Variants in SNX29 observed in about 807,000 individuals in gnomAD.
SNX29 encodes sorting nexin 29, also known as sorting nexin-29.
A neutral mutation model predicts 102.1 loss-of-function variants in SNX29; 78 were observed. The observed-to-expected ratio is 0.76, with a 90% confidence interval of 0.64 to 0.92. The LOEUF (loss-of-function observed/expected upper bound fraction) is 0.92. Ranked by LOEUF, SNX29 falls within the 40% of genes least tolerant of loss-of-function variation. The pLI is 0.00. For missense variants in SNX29, 1,280 were observed against 1,061.7 expected, an observed-to-expected ratio of 1.21 and a Z score of -2.86; for synonymous variants, 580 against 414.5, an observed-to-expected ratio of 1.40 and a Z score of -4.85.
chr16:12,307,335 C>A (rs924062639), intron 15 of SNX29, among the ~76,000 whole-genome samples: 1 of 151,978 alleles, frequency 6.6e-6, no homozygotes, highest in Non-Finnish European at 1.5e-5. Flanking sequence ...ATGGTGAGTG[C>A]GGTTGTTAAG....
intron 19 of SNX29, among the ~76,000 whole-genome samples, chr16:12,517,198 C>G (rs1017090481): frequency 2.0e-5 from 3 of 152,164 alleles, no homozygotes; most frequent in African/African-American, 7.2e-5. Context: ...CTGGCAGGTT[C>G]CATACGCTGG....
intron 20 of SNX29, among the ~76,000 whole-genome samples, chr16:12,565,110 G>A (rs1471356426): frequency 2.7e-5 from 4 of 150,000 alleles, no homozygotes; most frequent in Non-Finnish European, 3.0e-5. Context: ...CTGAGTACTG[G>A]CCCTAGTCTC....
chr16:12,175,970 C>A (rs752748918), intron 13 of SNX29, among the ~76,000 whole-genome samples: 1 of 152,000 alleles, frequency 6.6e-6, no homozygotes, highest in East Asian at 1.9e-4. Flanking sequence ...TGTGTCATTG[C>A]GGTCCAGCCT....
intron 11 of SNX29, among the ~76,000 whole-genome samples, chr16:12,094,320 T>C (rs1223309176): frequency 6.6e-6 from 1 of 152,162 alleles, no homozygotes; most frequent in African/African-American, 2.4e-5. Context: ...TCTTAAAGAC[T>C]GAATAACTGG....
At chr16:12,382,086 A>G (rs1597168317) in intron 16 of SNX29, among the ~76,000 whole-genome samples, 2 of 152,058 alleles carry the variant, frequency 1.3e-5, no homozygotes, top group Non-Finnish European at 2.9e-5. Flanking sequence ...CTGCCAATGA[A>G]TAACACCCGG....
chr16:12,336,900 G>A (rs377107907), intron 15 of SNX29, among the ~76,000 whole-genome samples: 20 of 152,288 alleles, frequency 1.3e-4, no homozygotes, highest in African/African-American at 4.8e-4. Flanking sequence ...GAGCTATGAT[G>A]GTGCCACCAT....
chr16:12,310,074 AT>A (rs2080480981), intron 15 of SNX29, among the ~76,000 whole-genome samples: 1 of 151,552 alleles, frequency 6.6e-6, no homozygotes, highest in Admixed American at 6.6e-5. Context: ...ACGCACATAC[AT>A]ACACATGTGC....
chr16:12,279,860 A>G (rs1034041513), intron 15 of SNX29, among the ~76,000 whole-genome samples: 1 of 152,234 alleles, frequency 6.6e-6, no homozygotes, highest in African/African-American at 2.4e-5. Flanking sequence ...ATGAAAGTGC[A>G]GGATGAAAGG....
At chr16:12,274,217 G>A (rs2150999335) in intron 14 of SNX29, among the ~76,000 whole-genome samples, 1 of 152,340 alleles carries the variant, frequency 6.6e-6, no homozygotes, top group East Asian at 1.9e-4. Context: ...TCTTCAGAAT[G>A]TTGAAGAGGT....
intron 11 of SNX29, among the ~76,000 whole-genome samples, chr16:12,112,860 G>A (rs183009): frequency 2.6e-5 from 4 of 152,048 alleles, no homozygotes; most frequent in Admixed American, 2.0e-4. Flanking sequence ...TCTTCCTGCC[G>A]GAGGAGGATG....
chr16:12,561,752 C>T (rs1027410125), intron 20 of SNX29, among the ~76,000 whole-genome samples: 2 of 152,168 alleles, frequency 1.3e-5, no homozygotes, highest in Admixed American at 6.5e-5. Context: ...GATGGAGTTT[C>T]TGAAATGAAC....
At chr16:12,032,203 CTT>C (rs781326269) in intron 4 of SNX29, among the ~76,000 whole-genome samples, 96 of 124,334 alleles carry the variant, frequency 7.7e-4, no homozygotes, top group African/African-American at 1.9e-3. Flanking sequence ...TCTTCTTCTT[CTT>C]TTTTTTTTTT....
intron 18 of SNX29, among the ~76,000 whole-genome samples, chr16:12,466,554 C>G (rs1477562315): frequency 1.3e-5 from 2 of 152,216 alleles, no homozygotes; most frequent in Non-Finnish European, 2.9e-5. Flanking sequence ...GAGTCGCGGC[C>G]TGTCTTCAGA....
chr16:12,250,390 C>T (rs559062545), intron 14 of SNX29, among the ~76,000 whole-genome samples: 37 of 152,232 alleles, frequency 2.4e-4, no homozygotes, highest in African/African-American at 6.7e-4. Context: ...AGGTGGGAGC[C>T]GGGCAGAGGG....
chr16:12,398,576 CACAGGGGGAAA>C (rs2083808225), intron 17 of SNX29, 75 bp downstream of exon 17: 2 of 1,520,842 alleles, frequency 1.3e-6, no homozygotes, highest in African/African-American at 2.7e-5. Context: ...CCCAGAAGAC[CACAGGGGGAAA>C]CAGAAATCAC....
intron 14 of SNX29, among the ~76,000 whole-genome samples, chr16:12,265,303 A>C (rs1466955296): frequency 6.6e-6 from 1 of 152,174 alleles, no homozygotes; most frequent in Non-Finnish European, 1.5e-5. Context: ...TTTCCATCGA[A>C]GCCTCTGCTG....
rs57045432 is a variant in SNX29, at chr16:12,483,404, G to A, written c.2178+5545G>A. Among the ~76,000 whole-genome samples the A allele has an allele frequency of 4.2e-3, 623 of 148,708 alleles. 5 individuals are homozygous for A. The highest frequency in any genetic ancestry group is 7.8e-3 in the Admixed American group (115 of 14,724). On this transcript the variant is annotated intron_variant, in intron 19 of 20. Transcript: ENST00000566228. ...GTGATCTCAGCTCACTGCAATCTCC[G>A]CCTCCCAGGTTCAAGTGATTCTGCT...
intron 15 of SNX29, among the ~76,000 whole-genome samples, chr16:12,350,412 T>C (rs1297797241): frequency 6.6e-6 from 1 of 152,206 alleles, no homozygotes; most frequent in Non-Finnish European, 1.5e-5. Flanking sequence ...GTAGGTTCTA[T>C]TGCAGATACT....
rs760022007 is a variant in SNX29, at chr16:12,441,981, TG to T, written c.2038-35737del. 9.9e-5 allele frequency among the ~76,000 whole-genome samples: 15 copies of T among 152,244 alleles called. 1 individual carries two copies. In the East Asian group the frequency reaches 1.4e-3, roughly 14 times the overall value. On this transcript the variant is annotated intron_variant, in intron 18 of 20. Coordinates refer to ENST00000566228, the MANE Select transcript of SNX29 (RefSeq NM_032167.5). ...TTTTTGTAGAGATGGGGCTTCACCT[TG>T]TTGGCCAGGCTGGTCTTGAACTCCT...
Sources: gnomAD v4.1 joint callset for allele counts (sites outside exome capture counted in the v4.1 genomes callset) on GRCh38, gnomAD v4.1.1 for gene constraint, MANE v1.5 for transcripts, NCBI Gene and HGNC (gene_info 2026-07-23, HGNC 2026-07-21) for gene names.